FHIT: variants seen among roughly 807,000 people sequenced by gnomAD.
FHIT encodes the protein bis(5'-adenosyl)-triphosphatase.
FHIT carries 19 observed loss-of-function variants against 17.9 expected under a neutral mutation model. The observed-to-expected ratio is 1.06, with a 90% confidence interval of 0.74 to 1.56. FHIT has a LOEUF of 1.56. FHIT is among the 40% of genes most tolerant of loss of function. FHIT has a pLI of 0.00. For synonymous variants in FHIT, 81 were observed against 69.7 expected, an observed-to-expected ratio of 1.16 and a Z score of -0.81; for missense variants, 248 against 189.2, an observed-to-expected ratio of 1.31 and a Z score of -1.82.
chr3:60,327,550 T>C (rs1709760057), intron 5 of FHIT, among the ~76,000 whole-genome samples: 2 of 152,368 alleles, frequency 1.3e-5, no homozygotes, highest in Admixed American at 6.5e-5. Context: ...AACTCCATTG[T>C]AGACCATGTC....
intron 5 of FHIT, among the ~76,000 whole-genome samples, chr3:60,025,635 C>A (rs1230982365): frequency 6.6e-6 from 1 of 151,218 alleles, no homozygotes; most frequent in Non-Finnish European, 1.5e-5. Context: ...TCTCCTCCAA[C>A]AAAGGCAGCT....
chr3:61,179,577 G>A (rs147754002), intron 2 of FHIT, among the ~76,000 whole-genome samples: 39 of 151,768 alleles, frequency 2.6e-4, no homozygotes, highest in African/African-American at 8.9e-4. Flanking sequence ...GTGTGGTGGT[G>A]CATACCTGTG....
intron 1 of FHIT, among the ~76,000 whole-genome samples, chr3:61,203,865 T>C (rs937466143): frequency 6.6e-6 from 1 of 152,224 alleles, no homozygotes; most frequent in African/African-American, 2.4e-5. Flanking sequence ...AAGAGGCCCT[T>C]ACACATGTAC....
intron 2 of FHIT, among the ~76,000 whole-genome samples, chr3:61,139,742 A>G (rs4688292): frequency 6.6e-6 from 1 of 151,834 alleles, no homozygotes; most frequent in Admixed American, 6.6e-5. Flanking sequence ...TGGCTCATGT[A>G]TATGTGGTAC....
intron 6 of FHIT, among the ~76,000 whole-genome samples, chr3:60,013,438 G>A (rs1700216713): frequency 6.6e-6 from 1 of 152,120 alleles, no homozygotes; most frequent in Non-Finnish European, 1.5e-5. Flanking sequence ...ACTCACCATG[G>A]ACATCCTTCT....
At chr3:59,840,067 G>A (rs1042035491) in intron 8 of FHIT, among the ~76,000 whole-genome samples, 7 of 152,150 alleles carry the variant, frequency 4.6e-5, no homozygotes, top group African/African-American at 1.7e-4. Flanking sequence ...AAAAGCCACA[G>A]GAGGAGTCAG....
intron 5 of FHIT, among the ~76,000 whole-genome samples, chr3:60,064,201 C>A (rs212007): frequency 0.25 from 37,956 of 151,950 alleles, 5,203 homozygotes; most frequent in African/African-American, 0.35. Context: ...TGATTTAAAT[C>A]AATAATATTA....
At chr3:61,204,934 A>G (rs1386780671) in intron 1 of FHIT, among the ~76,000 whole-genome samples, 1 of 151,384 alleles carries the variant, frequency 6.6e-6, no homozygotes, top group Non-Finnish European at 1.5e-5. Context: ...TTAACTCATC[A>G]TCTAGCATTA....
chr3:60,611,405 G>A (rs1037722947), intron 4 of FHIT, among the ~76,000 whole-genome samples: 4 of 152,154 alleles, frequency 2.6e-5, no homozygotes, highest in Non-Finnish European at 4.4e-5. Flanking sequence ...CGCTAAGCAT[G>A]TGGGAGTTAT....
At chr3:60,720,140 C>T (rs139953433) in intron 4 of FHIT, among the ~76,000 whole-genome samples, 2 of 152,288 alleles carry the variant, frequency 1.3e-5, no homozygotes, top group African/African-American at 4.8e-5. Context: ...TCCAGAAGCA[C>T]TGGTAAATTC....
chr3:60,011,153 A>AATTTT (rs72078129), intron 7 of FHIT, among the ~76,000 whole-genome samples: 20,939 of 152,034 alleles, frequency 0.14, 1,810 homozygotes, highest in East Asian at 0.46. Context: ...GCACAATAAT[A>AATTTT]ATTTTACTAC....
chr3:59,820,665 C>G (rs574850504), intron 8 of FHIT, among the ~76,000 whole-genome samples: 1 of 152,302 alleles, frequency 6.6e-6, no homozygotes, highest in South Asian at 2.1e-4. Context: ...GATCTCATGA[C>G]TCACAAAGCC....
chr3:61,200,020 G>A (rs1159712012), intron 2 of FHIT, among the ~76,000 whole-genome samples: 1 of 152,162 alleles, frequency 6.6e-6, no homozygotes, highest in Admixed American at 6.5e-5. Flanking sequence ...CAACTTGATT[G>A]TAATGTTTCA....
chr3:59,802,297 T>A (rs1700027976), intron 8 of FHIT, among the ~76,000 whole-genome samples: 1 of 152,146 alleles, frequency 6.6e-6, no homozygotes, highest in African/African-American at 2.4e-5. Flanking sequence ...TTCCCAACAG[T>A]TTCCTTTTAA....
intron 2 of FHIT, among the ~76,000 whole-genome samples, chr3:61,186,513 G>A (rs979971840): frequency 1.3e-5 from 2 of 152,212 alleles, no homozygotes; most frequent in African/African-American, 2.4e-5. Context: ...GGCTGGATAT[G>A]CAAAGAAGCC....
At chr3:60,411,961 G>A (rs1311534732) in intron 5 of FHIT, among the ~76,000 whole-genome samples, 1 of 151,990 alleles carries the variant, frequency 6.6e-6, no homozygotes, top group Non-Finnish European at 1.5e-5. Context: ...TTTTTCAGTG[G>A]TACCTTTGTA....
intron 3 of FHIT, among the ~76,000 whole-genome samples, chr3:61,018,494 C>G (rs1292665616): frequency 6.6e-6 from 1 of 152,092 alleles, no homozygotes; most frequent in African/African-American, 2.4e-5. Flanking sequence ...AAGTTTGACC[C>G]CAAAAGGGAT....
At chr3:59,818,604 C>T (rs1010473358) in intron 8 of FHIT, among the ~76,000 whole-genome samples, 1 of 152,144 alleles carries the variant, frequency 6.6e-6, no homozygotes, top group African/African-American at 2.4e-5. Flanking sequence ...GACCCGGCAG[C>T]CCTTTACAAA....
At chr3:60,340,198 A>G (rs759215925) in intron 5 of FHIT, among the ~76,000 whole-genome samples, 1 of 152,200 alleles carries the variant, frequency 6.6e-6, no homozygotes, top group Non-Finnish European at 1.5e-5. Context: ...TAAGTAATTG[A>G]AAATCATTAC....
Sources: gnomAD v4.1 joint callset for allele counts (sites outside exome capture counted in the v4.1 genomes callset) on GRCh38, gnomAD v4.1.1 for gene constraint, MANE v1.5 for transcripts, NCBI Gene and HGNC (gene_info 2026-07-23, HGNC 2026-07-21) for gene names.